Variants in PTPRN2 observed in about 807,000 individuals in gnomAD.
The protein encoded by PTPRN2 is protein tyrosine phosphatase receptor type N2, also known as receptor-type tyrosine-protein phosphatase N2.
In PTPRN2, 74 loss-of-function variants were observed where a neutral mutation model predicts 118.8. That is an observed-to-expected ratio of 0.62 (90% confidence interval 0.52 to 0.76). The LOEUF (loss-of-function observed/expected upper bound fraction) is 0.76, where lower values mean the gene tolerates loss of function less well. Ranked by LOEUF, PTPRN2 falls within the 30% of genes least tolerant of loss-of-function variation. The probability of loss-of-function intolerance (pLI) is 0.00; values close to 1 mark genes in which losing one functional copy is unlikely to be tolerated. For synonymous variants in PTPRN2, 641 were observed against 608.0 expected (o/e 1.05, Z -0.80); for missense variants, 1,481 against 1,394.4 (o/e 1.06, Z -0.99).
At chr7:157,853,013 A>C (rs1041409018) in intron 12 of PTPRN2, among the ~76,000 whole-genome samples, 1 of 152,062 alleles carries the variant, frequency 6.6e-6, no homozygotes, top group African/African-American at 2.4e-5. Context: ...GTTTCCCATC[A>C]CTGTGTGGAC....
rs866362678 is a variant in PTPRN2 at position 157,656,524 on chromosome 7, G to A, written c.2029C>T (p.Arg677Trp). ...QELCRQRMAT[R>W]PPDRPEGPHT... ...GGGCCCTCAGGTCGGTCTGGTGGCCGCGTGGCCATACGCTGGCGGCACAGC... is the reference window on the plus strand; with the variant it reads ...GGGCCCTCAGGTCGGTCTGGTGGCCACGTGGCCATACGCTGGCGGCACAGC... Residue 677 changes from arginine to tryptophan, a missense_variant, in exon 14 of 23, where the codon CGG (arginine) becomes TGG (tryptophan). Physicochemically the swap from Arg to Trp is moderately radical, Grantham distance 101. Coordinates refer to ENST00000389418, the MANE Select transcript of PTPRN2 (RefSeq NM_002847.5). 1.9e-5 allele frequency: 29 copies of A among 1,547,998 alleles called. No homozygotes were observed. Among genetic ancestry groups the A allele is most frequent in the South Asian group, 1.1e-4 (9 of 84,714 alleles).
intron 11 of PTPRN2, among the ~76,000 whole-genome samples, chr7:158,021,755 A>G (rs1806890375): frequency 1.3e-5 from 2 of 152,150 alleles, no homozygotes; most frequent in Non-Finnish European, 2.9e-5. Flanking sequence ...CATAGTGGGG[A>G]GAGGATGAAC....
At chr7:158,334,664 C>T (rs867662879) in intron 2 of PTPRN2, among the ~76,000 whole-genome samples, 1 of 78,534 alleles carries the variant, frequency 1.3e-5, no homozygotes, top group African/African-American at 4.7e-5. Flanking sequence ...TTGGTGACAC[C>T]TGCAGACGTC....
At chr7:158,521,001 C>T (rs538362668) in intron 1 of PTPRN2, among the ~76,000 whole-genome samples, 26 of 152,340 alleles carry the variant, frequency 1.7e-4, no homozygotes, top group Non-Finnish European at 2.9e-4. Flanking sequence ...AGCCACGTCC[C>T]TCTTATCTCT....
chr7:158,295,186 A>G, intron 3 of PTPRN2, among the ~76,000 whole-genome samples: 1 of 108,350 alleles, frequency 9.2e-6, no homozygotes, highest in Non-Finnish European at 1.9e-5. Flanking sequence ...ATCGTGGTTC[A>G]CCTGCCTTTC....
intron 12 of PTPRN2, among the ~76,000 whole-genome samples, chr7:157,721,380 G>A (rs1799222690): frequency 2.6e-5 from 4 of 152,338 alleles, no homozygotes; most frequent in African/African-American, 9.6e-5. Context: ...ATGTTGTAAT[G>A]AACAGCCACG....
At chr7:158,423,513 T>C (rs537419547) in intron 2 of PTPRN2, among the ~76,000 whole-genome samples, 1 of 150,774 alleles carries the variant, frequency 6.6e-6, no homozygotes, top group South Asian at 2.1e-4. Context: ...GGAAGAGGTC[T>C]CAGAGATTAG....
At chr7:157,545,338 G>T (rs1307997057) in intron 22 of PTPRN2, among the ~76,000 whole-genome samples, 6 of 149,844 alleles carry the variant, frequency 4.0e-5, no homozygotes, top group Non-Finnish European at 5.9e-5. Context: ...GTGTGTGGGG[G>T]GTGTGCCTGG....
chr7:157,992,707 G>A (rs996775215), intron 11 of PTPRN2, among the ~76,000 whole-genome samples: 1 of 151,994 alleles, frequency 6.6e-6, no homozygotes, highest in Non-Finnish European at 1.5e-5. Flanking sequence ...GATGTGGGGG[G>A]TCACACTCCA....
Position 157,615,926 on chromosome 7 carries a change from C to T in PTPRN2, c.2344+5436G>A, listed in dbSNP as rs1802744393. ...GAATCAGCCGGCGCTGAGATGTGCA[C>T]CTGGCAGGATGAACGTAACTTCTGG... On this transcript the variant is annotated intron_variant, in intron 15 of 22. Transcript: ENST00000389418. The surrounding 1 kb of genome is among the most constrained non-coding windows in gnomAD (Gnocchi z 4.3). The T allele has an allele frequency of 3.6e-6, 1 of 279,952 alleles. No homozygotes were observed. 17.3% of individuals were successfully genotyped at this position (279,952 alleles called of 1,614,324 possible).
chr7:157,823,618 T>G (rs56705305), intron 12 of PTPRN2, among the ~76,000 whole-genome samples: 16,818 of 152,302 alleles, frequency 0.11, 1,600 homozygotes, highest in African/African-American at 0.23. Flanking sequence ...GTTGTGTTTC[T>G]GAGGCCCCTG....
intron 2 of PTPRN2, among the ~76,000 whole-genome samples, chr7:158,320,170 TACACACACAGCCTCCCTCGTACAC>T (rs1802880439): frequency 8.8e-5 from 3 of 34,176 alleles, no homozygotes; most frequent in East Asian, 1.2e-3. Flanking sequence ...GCCTCCCTCG[TACACACACAGCCTCCCTCGTACAC>T]ACACAGCCTC....
At chr7:157,614,147 G>T (rs750869034) in intron 15 of PTPRN2, 3 of 464,760 alleles carry the variant, frequency 6.5e-6, no homozygotes, top group South Asian at 3.1e-5. Context: ...GAAGACAGGG[G>T]AGGAAGGGGG....
chr7:157,658,372 G>A (rs185424880), intron 13 of PTPRN2, among the ~76,000 whole-genome samples: 20 of 152,306 alleles, frequency 1.3e-4, no homozygotes, highest in African/African-American at 4.6e-4. Context: ...AGGGAGAAAG[G>A]CCTGTGCTGC....
At position 158,359,731 on chromosome 7, in the gene PTPRN2, G is replaced by A. The variant is rs182607250; in HGVS notation, c.164-42799C>T. Among the ~76,000 whole-genome samples the A allele has an allele frequency of 6.0e-4, 91 of 152,278 alleles. No homozygotes were observed. In the East Asian group the frequency reaches 0.016, roughly 27 times the overall value. On this transcript the variant is annotated intron_variant, in intron 2 of 22. Coordinates refer to ENST00000389418, the MANE Select transcript of PTPRN2 (RefSeq NM_002847.5). Reference sequence around the variant, plus strand: ...GCAGTAATGTACACGTGGTGTTGTCGATGAACGGATAATGAAAGCAATTTA... The same window carrying A: ...GCAGTAATGTACACGTGGTGTTGTCAATGAACGGATAATGAAAGCAATTTA...
chr7:158,002,939 C>G (rs547439042), intron 11 of PTPRN2, among the ~76,000 whole-genome samples: 2 of 152,088 alleles, frequency 1.3e-5, no homozygotes, highest in African/African-American at 4.8e-5. Flanking sequence ...TGGTCCTGGC[C>G]GGGGTTTGGC....
At chr7:158,002,058 G>A (rs1339613621) in intron 11 of PTPRN2, among the ~76,000 whole-genome samples, 4 of 152,308 alleles carry the variant, frequency 2.6e-5, no homozygotes, top group Admixed American at 6.5e-5. Flanking sequence ...GAGTCACCTC[G>A]GGTGACATGG....
At chr7:158,549,636 T>C (rs973431987) in intron 1 of PTPRN2, among the ~76,000 whole-genome samples, 14 of 152,238 alleles carry the variant, frequency 9.2e-5, no homozygotes, top group Non-Finnish European at 5.9e-5. Flanking sequence ...CAGCCAGGGC[T>C]CGCTCCAAAC....
intron 12 of PTPRN2, among the ~76,000 whole-genome samples, chr7:157,743,639 C>T (rs1241683707): frequency 6.6e-6 from 1 of 150,922 alleles, no homozygotes; most frequent in Non-Finnish European, 1.5e-5. Context: ...ATAGCTATCT[C>T]CGGGTTGGCT....
Sources: gnomAD v4.1 joint callset for allele counts (sites outside exome capture counted in the v4.1 genomes callset) on GRCh38, gnomAD v4.1.1 for gene constraint, Gnocchi (gnomAD v3.1) non-coding constraint, MANE v1.5 for transcripts, NCBI Gene and HGNC (gene_info 2026-07-23, HGNC 2026-07-21) for gene names.